KRT81: variants seen among roughly 807,000 people sequenced by gnomAD.
KRT81 encodes the protein keratin 81.
Under a neutral mutation model 35.8 loss-of-function variants are expected in KRT81, and 35 were observed. The observed-to-expected ratio is 0.98, with a 90% CI of 0.75 to 1.30. The LOEUF is 1.30. Among genes scored for constraint, KRT81 ranks in the 50% most tolerant of loss-of-function variants. KRT81 has a pLI of 0.00. For missense variants in KRT81, 531 were observed against 577.4 expected (o/e 0.92, Z 0.82); for synonymous variants, 249 against 251.2 (o/e 0.99, Z 0.08).
Position 52,286,037 on chromosome 12 carries a change from G to C in KRT81, c.*218C>G. On this transcript the variant is annotated 3_prime_UTR_variant, in exon 9 of 9. Coordinates refer to ENST00000327741, the MANE Select transcript of KRT81 (RefSeq NM_002281.4). ...CCTGCTCCTGAGGCCCCTTCCTATGGGTGCCAGCGGACTTCTTTCTAGGGT... is the reference window on the plus strand; with the variant it reads ...CCTGCTCCTGAGGCCCCTTCCTATGCGTGCCAGCGGACTTCTTTCTAGGGT... The C allele has an allele frequency of 1.7e-6, 1 of 586,866 alleles. No homozygotes were observed. The highest frequency in any genetic ancestry group is 3.0e-6 in the Non-Finnish European group (1 of 329,342). 36.4% of individuals were successfully genotyped at this position (586,866 alleles called of 1,614,324 possible). A position where few individuals can be genotyped will look rare whatever the true frequency, so the allele number is the denominator to read the frequency against.
chr12:52,286,229 G>T lies in KRT81; in HGVS notation c.*26C>A, dbSNP rs768552191. On this transcript the variant is annotated 3_prime_UTR_variant, in exon 9 of 9. Coordinates refer to ENST00000327741, the MANE Select transcript of KRT81 (RefSeq NM_002281.4). ...GCAAGGCAGGGCAGGAAAGATGCCTGGGGCCTGGGACTTGAGTTGGGGTGC... is the reference window on the plus strand; with the variant it reads ...GCAAGGCAGGGCAGGAAAGATGCCTTGGGCCTGGGACTTGAGTTGGGGTGC... 1 of 1,542,064 alleles carries T rather than the reference G, an allele frequency of 6.5e-7. No individual in the cohort carries two copies. Among genetic ancestry groups the T allele is most frequent in the Non-Finnish European group, 8.8e-7 (1 of 1,138,234 alleles).
chr12:52,291,526 A>T lies in KRT81; in HGVS notation c.-61T>A, dbSNP rs1938125412. 1.3e-6 allele frequency: 2 copies of T among 1,599,522 alleles called. No individual in the cohort carries two copies. Among genetic ancestry groups the T allele is most frequent in the South Asian group, 2.2e-5 (2 of 89,390 alleles). ...TAGGGGACCTGGAGTCCTGATGGAAACTCCAATGTGCTCCTCAGGGCACCG... is the reference window on the plus strand; with the variant it reads ...TAGGGGACCTGGAGTCCTGATGGAATCTCCAATGTGCTCCTCAGGGCACCG... On this transcript the variant is annotated 5_prime_UTR_variant, in exon 1 of 9. Coordinates refer to ENST00000327741, the MANE Select transcript of KRT81 (RefSeq NM_002281.4).
At chr12:52,288,577 C>A (rs1459214775) in intron 3 of KRT81, 121 bp from the exon 4 acceptor site, 3 of 1,152,840 alleles carry the variant, frequency 2.6e-6, no homozygotes, top group Admixed American at 1.7e-5. Flanking sequence ...CATTCCCATG[C>A]CTTTCCTCCC....
At position 52,285,961 on chromosome 12, in the gene KRT81, G is replaced by T. The variant is rs921490495; in HGVS notation, c.*294C>A. ...CACAGATCAAGAGCAGAGGAGGAAG[G>T]GGAGAGGCAGGAAGGCAGTTGCCGT... On this transcript the variant is annotated 3_prime_UTR_variant, in exon 9 of 9. Coordinates refer to ENST00000327741, the MANE Select transcript of KRT81 (RefSeq NM_002281.4). The T allele has an allele frequency of 2.1e-6, 1 of 485,290 alleles. No homozygotes were observed. Among genetic ancestry groups the T allele is most frequent in the African/African-American group, 1.9e-5 (1 of 51,616 alleles). 30.1% of individuals were successfully genotyped at this position (485,290 alleles called of 1,614,324 possible). A position where few individuals can be genotyped will look rare whatever the true frequency, so the allele number is the denominator to read the frequency against.
chr12:52,288,356 C>T lies in KRT81; in HGVS notation c.735+5G>A, dbSNP rs367928182. Reference sequence around the variant, plus strand: ...CAGGTTTCTGTCTGGCCCCTGAGCCCGCACCTCCTCATACAGCCGCCTCAG... The same window carrying T: ...CAGGTTTCTGTCTGGCCCCTGAGCCTGCACCTCCTCATACAGCCGCCTCAG... On this transcript the variant is annotated splice_donor_5th_base_variant and intron_variant, in intron 4 of 8. Coordinates refer to ENST00000327741, the MANE Select transcript of KRT81 (RefSeq NM_002281.4). The T allele has an allele frequency of 1.2e-4, 194 of 1,613,898 alleles. No homozygotes were observed. Among genetic ancestry groups the T allele is most frequent in the Non-Finnish European group, 1.3e-4 (153 of 1,179,952 alleles).
rs1937982908 is a variant in KRT81, at chr12:52,287,418, C to A, written c.1027-96G>T. The A allele has an allele frequency of 1.0e-5, 16 of 1,574,748 alleles. No individual in the cohort carries two copies. The East Asian group carries it at 3.5e-4, about 34-fold the overall frequency. ...ACACTCCCCACCAAGCTGGGAGCAC[C>A]CCAGAACAGAGCCTCTTGCCTTTAT... is the stretch of plus-strand genomic sequence containing the variant. On this transcript the variant is annotated intron_variant, in intron 6 of 8. Transcript: ENST00000327741.
At chr12:52,291,023 A>G (rs1938099793) in intron 1 of KRT81, 74 bp downstream of exon 1, 1 of 456,880 alleles carries the variant, frequency 2.2e-6, no homozygotes, top group Admixed American at 5.0e-5. Flanking sequence ...TGTGCCTCTG[A>G]CTCCATCCTT....
At chr12:52,288,259 C>G (rs1392797560) in intron 4 of KRT81, 102 bp downstream of exon 4, 8 of 1,601,312 alleles carry the variant, frequency 5.0e-6, no homozygotes, top group Non-Finnish European at 6.8e-6. Context: ...CCTCACACAG[C>G]CTCAGGGACT....
Position 52,291,386 on chromosome 12 carries a change from A to T in KRT81, c.80T>A (p.Ile27Asn). 1 of 1,607,660 alleles carries T rather than the reference A, an allele frequency of 6.2e-7. No individual in the cohort carries two copies. The highest frequency in any genetic ancestry group is 1.1e-5 in the South Asian group (1 of 90,500). ...ACGPRPGRCC[I>N]TAAPYRGISC... ...GATGCCACGGTAGGGGGCGGCGGTGATGCAGCAGCGGCCGGGCCGCGGCCC... is the reference window on the plus strand; with the variant it reads ...GATGCCACGGTAGGGGGCGGCGGTGTTGCAGCAGCGGCCGGGCCGCGGCCC... The change falls in exon 1 of 9, where the codon ATC becomes AAC. Residue 27 changes from isoleucine to asparagine, a missense_variant. This residue lies in a region of KRT81 where 133 missense variants were observed against 125.9 expected (regional missense o/e 1.06). Transcript: ENST00000327741.
In KRT81 at chr12:52,287,725, G is replaced by C. The variant is rs1466029110; in HGVS notation, c.901-4C>G. 3.7e-6 allele frequency: 6 copies of C among 1,613,964 alleles called. No individual in the cohort carries two copies. Among genetic ancestry groups the C allele is most frequent in the Non-Finnish European group, 5.1e-6 (6 of 1,179,952 alleles). On this transcript the variant is annotated splice_region_variant and splice_polypyrimidine_tract_variant and intron_variant, in intron 5 of 8. Coordinates refer to ENST00000327741, the MANE Select transcript of KRT81 (RefSeq NM_002281.4). ...CCGTGGCCTTCATCTCCTCACACTGGGGGAAGTAGAGATGCTCATGAGGTT... is the reference window on the plus strand; with the variant it reads ...CCGTGGCCTTCATCTCCTCACACTGCGGGAAGTAGAGATGCTCATGAGGTT...
chr12:52,287,349 G>T (rs1329040690), intron 6 of KRT81, 27 bp from the exon 7 acceptor site: 3 of 1,613,520 alleles, frequency 1.9e-6, no homozygotes, highest in Non-Finnish European at 2.5e-6. Flanking sequence ...GAACAAGGTA[G>T]ATTAGAGTCC....
chr12:52,288,266 G>T, intron 4 of KRT81, 95 bp downstream of exon 4: 1 of 1,601,938 alleles, frequency 6.2e-7, no homozygotes, highest in Non-Finnish European at 8.5e-7. Flanking sequence ...CAGCCTCAGG[G>T]ACTGCAACCT....
At chr12:52,287,793 T>G in intron 5 of KRT81, 72 bp from the exon 6 acceptor site, 3 of 1,613,484 alleles carry the variant, frequency 1.9e-6, no homozygotes, top group Non-Finnish European at 1.7e-6. Flanking sequence ...ACAGATGATT[T>G]TGCAGGTTGT....
rs150886963 is a variant in KRT81 at position 52,287,242 on chromosome 12, G to C, written c.1107C>G (p.Ala369=). ...AALSDARCKL[A]ELEGALQKAK... ...CCTTCTGCAGGGCGCCCTCCAGCTC[G>C]GCCAGCTTGCAGCGGGCATCACTGA... The change falls in exon 7 of 9, where the codon GCC becomes GCG. Residue 369 remains alanine, a synonymous_variant. Coordinates refer to ENST00000327741, the MANE Select transcript of KRT81 (RefSeq NM_002281.4). 2 of 1,614,050 alleles carry C rather than the reference G, an allele frequency of 1.2e-6. No individual in the cohort carries two copies. Among genetic ancestry groups the C allele is most frequent in the South Asian group, 1.1e-5 (1 of 91,074 alleles).
Position 52,285,919 on chromosome 12 carries a change from A to C in KRT81, c.*336T>G. On this transcript the variant is annotated 3_prime_UTR_variant, in exon 9 of 9. Coordinates refer to ENST00000327741, the MANE Select transcript of KRT81 (RefSeq NM_002281.4). Reference sequence around the variant, plus strand: ...GACACACACAAGACCCAGGTTGGCTACATTAATTTATTGAAACACAGATCA... The same window carrying C: ...GACACACACAAGACCCAGGTTGGCTCCATTAATTTATTGAAACACAGATCA... 3 of 380,486 alleles carry C rather than the reference A, an allele frequency of 7.9e-6. No homozygotes were observed. Among genetic ancestry groups the C allele is most frequent in the Non-Finnish European group, 5.0e-6 (1 of 200,544 alleles). 23.6% of individuals were successfully genotyped at this position (380,486 alleles called of 1,614,324 possible).
chr12:52,286,540 C>G, intron 8 of KRT81, 47 bp from the exon 9 acceptor site: 1 of 1,533,806 alleles, frequency 6.5e-7, no homozygotes. Context: ...GCAAGCCATC[C>G]TGCCTTCCTG....
intron 7 of KRT81, 61 bp from the exon 8 acceptor site, chr12:52,286,883 C>G: frequency 1.3e-6 from 2 of 1,596,264 alleles, no homozygotes; most frequent in Non-Finnish European, 1.7e-6. Context: ...GAAAAAGCTC[C>G]CCAGTTCATA....
At chr12:52,287,344 A>G in intron 6 of KRT81, 22 bp from the exon 7 acceptor site, 1 of 1,613,744 alleles carries the variant, frequency 6.2e-7, no homozygotes, top group South Asian at 1.1e-5. Context: ...AGAAAGAACA[A>G]GGTAGATTAG....
chr12:52,287,385 A>G, intron 6 of KRT81, 63 bp from the exon 7 acceptor site: 1 of 1,599,202 alleles, frequency 6.3e-7, no homozygotes, highest in South Asian at 1.1e-5. Context: ...GCTCATCCAA[A>G]TGAGACCACA....
Sources: allele counts gnomAD v4.1 joint callset, GRCh38; gene constraint gnomAD v4.1.1; regional missense constraint gnomAD v4.1.1; transcripts MANE v1.5; gene names NCBI Gene and HGNC (gene_info 2026-07-23, HGNC 2026-07-21).